DAPL1: variants seen among roughly 807,000 people sequenced by gnomAD.
DAPL1 encodes the protein death associated protein like 1, also known as death-associated protein-like 1.
In DAPL1, 17 loss-of-function variants were observed where a neutral mutation model predicts 12.9. The observed-to-expected ratio is 1.32, with a 90% CI of 0.90 to 1.98. The LOEUF (loss-of-function observed/expected upper bound fraction) is 1.98. Among genes scored for constraint, DAPL1 ranks in the 30% most tolerant of loss-of-function variants. DAPL1 has a pLI of 0.00. For synonymous variants in DAPL1, 51 were observed against 42.0 expected (o/e 1.21, Z -0.82); for missense variants, 157 against 125.7 (o/e 1.25, Z -1.19).
intron 2 of DAPL1, among the ~76,000 whole-genome samples, chr2:158,804,679 T>A (rs761501411): frequency 4.6e-5 from 7 of 152,228 alleles, no homozygotes; most frequent in Non-Finnish European, 8.8e-5. Context: ...CTGACACACA[T>A]CCTTTTATCC....
chr2:158,809,153 T>A (rs1311125090), intron 3 of DAPL1, among the ~76,000 whole-genome samples: 2 of 150,688 alleles, frequency 1.3e-5, no homozygotes, highest in Admixed American at 6.6e-5. Context: ...AAGTCAGGAG[T>A]TCAAGACCAG....
At chr2:158,807,027 T>C (rs776282833) in intron 2 of DAPL1, 28 bp from the exon 3 acceptor site, 20 of 1,601,822 alleles carry the variant, frequency 1.2e-5, no homozygotes, top group Non-Finnish European at 1.7e-5. Flanking sequence ...TTTTAAGTCC[T>C]GTTCAAAGTT....
At chr2:158,813,691 G>A (rs1008390822) in intron 3 of DAPL1, among the ~76,000 whole-genome samples, 2 of 151,856 alleles carry the variant, frequency 1.3e-5, no homozygotes, top group African/African-American at 4.8e-5. Context: ...GAGTAGCTGG[G>A]ACTACAGTCG....
intron 2 of DAPL1, among the ~76,000 whole-genome samples, chr2:158,806,447 G>T (rs531789639): frequency 6.6e-6 from 1 of 152,260 alleles, no homozygotes; most frequent in South Asian, 2.1e-4. Context: ...ATCCTTAGGG[G>T]CAGCTGGTTT....
chr2:158,804,422 C>A, intron 2 of DAPL1, 53 bp downstream of exon 2: 1 of 1,321,062 alleles, frequency 7.6e-7, no homozygotes, highest in Non-Finnish European at 1.1e-6. Flanking sequence ...AGTGACTCTG[C>A]CTCCAGGAGT....
intron 1 of DAPL1, among the ~76,000 whole-genome samples, chr2:158,797,648 C>T (rs1475291288): frequency 6.6e-6 from 1 of 151,926 alleles, no homozygotes; most frequent in East Asian, 1.9e-4. Context: ...AAAAATTAGC[C>T]GGGCGTGGGG....
At chr2:158,804,229 G>A in intron 1 of DAPL1, 53 bp from the exon 2 acceptor site, 2 of 1,245,852 alleles carry the variant, frequency 1.6e-6, no homozygotes, top group East Asian at 2.4e-5. Flanking sequence ...TAATAACAAA[G>A]CAAGCCTTCT....
At chr2:158,796,616 G>A (rs1044304345) in intron 1 of DAPL1, among the ~76,000 whole-genome samples, 10 of 152,006 alleles carry the variant, frequency 6.6e-5, no homozygotes, top group Non-Finnish European at 1.3e-4. Context: ...CATAGACAAA[G>A]ACAAAAGAAA....
At chr2:158,806,447 G>A (rs531789639) in intron 2 of DAPL1, among the ~76,000 whole-genome samples, 4 of 152,260 alleles carry the variant, frequency 2.6e-5, no homozygotes, top group Admixed American at 6.5e-5. Context: ...ATCCTTAGGG[G>A]CAGCTGGTTT....
intron 1 of DAPL1, among the ~76,000 whole-genome samples, chr2:158,798,613 G>A (rs1193136841): frequency 1.3e-5 from 2 of 152,124 alleles, no homozygotes; most frequent in South Asian, 2.1e-4. Context: ...CAGTGAGATT[G>A]AGGGACTTGC....
chr2:158,804,507 T>G, intron 2 of DAPL1, 138 bp downstream of exon 2: 13 of 551,646 alleles, frequency 2.4e-5, no homozygotes, highest in African/African-American at 5.7e-5. Context: ...GAGGGCGTGA[T>G]CCGTGGTGAC....
In DAPL1 at chr2:158,806,838, GA is replaced by G. The variant is rs542863747; in HGVS notation, c.147-206del. Reference sequence around the variant, plus strand: ...GCAACAAGAGCGAAACTGTGTCTCAGAAAAAAAAAAATAATAATAATAATAA... The same window carrying G: ...GCAACAAGAGCGAAACTGTGTCTCAGAAAAAAAAAATAATAATAATAATAA... On this transcript the variant is annotated intron_variant, in intron 2 of 3. Coordinates refer to ENST00000309950, the MANE Select transcript of DAPL1 (RefSeq NM_001017920.3). Among the ~76,000 whole-genome samples the G allele has an allele frequency of 3.0e-3, 374 of 123,234 alleles. 4 individuals carry two copies. Among genetic ancestry groups the G allele is most frequent in the Non-Finnish European group, 4.8e-3 (286 of 59,436 alleles). The allele number at this position is 123,234 out of a possible 152,430, so 80.8% of individuals were successfully genotyped here.
intron 2 of DAPL1, among the ~76,000 whole-genome samples, chr2:158,806,124 G>A (rs2059199632): frequency 6.8e-6 from 1 of 148,066 alleles, no homozygotes. Flanking sequence ...TCCTTTGTAT[G>A]TCATCTTAGA....
chr2:158,807,140 C>T (rs766172108), intron 3 of DAPL1, 25 bp downstream of exon 3: 22 of 1,581,498 alleles, frequency 1.4e-5, no homozygotes, highest in East Asian at 1.4e-4. Context: ...AATCACATAG[C>T]GCTCCAAGTC....
At chr2:158,813,084 C>T (rs1424227800) in intron 3 of DAPL1, among the ~76,000 whole-genome samples, 2 of 152,132 alleles carry the variant, frequency 1.3e-5, no homozygotes, top group African/African-American at 2.4e-5. Context: ...CATACAGTAA[C>T]ATGGATGGAC....
rs1328250577 is a variant in DAPL1 at position 158,815,778 on chromosome 2, C to G, written c.281C>G (p.Pro94Arg). The change falls in exon 4 of 4, where the codon CCA becomes CGA. Residue 94 changes from proline to arginine, a missense_variant. Pro to Arg is a moderately radical substitution (Grantham distance 103, BLOSUM62 -2). Transcript: ENST00000309950. ...KPTPALEKVV[P>R]LKRIYIIQQP... The stretch of plus-strand genomic sequence containing the variant: ...ACACCTGCTCTGGAAAAGGTTGTTC[C>G]ACTGAAAAGGATCTACATTATTCAG... The G allele has an allele frequency of 6.8e-6, 11 of 1,613,894 alleles. No individual in the cohort carries two copies. Among genetic ancestry groups the G allele is most frequent in the Non-Finnish European group, 9.3e-6 (11 of 1,179,916 alleles).
intron 3 of DAPL1, among the ~76,000 whole-genome samples, chr2:158,815,397 T>A (rs1291315982): frequency 1.3e-5 from 2 of 152,240 alleles, no homozygotes; most frequent in Admixed American, 6.5e-5. Flanking sequence ...GATTCATAGA[T>A]GCATACTAGT....
chr2:158,812,956 C>CA (rs1361437903), intron 3 of DAPL1, among the ~76,000 whole-genome samples: 1 of 151,872 alleles, frequency 6.6e-6, no homozygotes, highest in East Asian at 1.9e-4. Flanking sequence ...TCACAATAGC[C>CA]AAAAGATGAA....
intron 1 of DAPL1, 97 bp downstream of exon 1, chr2:158,795,527 G>C (rs2059130061): frequency 2.6e-6 from 3 of 1,171,284 alleles, no homozygotes; most frequent in Non-Finnish European, 3.7e-6. Flanking sequence ...AAGCTTCTCT[G>C]TCTACCCAGT....
Sources: allele counts gnomAD v4.1 joint callset (sites outside exome capture counted in the v4.1 genomes callset), GRCh38; gene constraint gnomAD v4.1.1; transcripts MANE v1.5; gene names NCBI Gene and HGNC (gene_info 2026-07-23, HGNC 2026-07-21).